The following SEMA3A variants were observed in gnomAD, a reference collection of about 807,000 sequenced individuals.
SEMA3A encodes the protein semaphorin 3A.
Under a neutral mutation model 97.9 loss-of-function variants are expected in SEMA3A, and 29 were observed. The ratio of observed to expected loss-of-function variants is 0.30; its 90% CI spans 0.22 to 0.40. The LOEUF is 0.40. Ranked by LOEUF, SEMA3A falls within the 10% of genes least tolerant of loss-of-function variation. SEMA3A has a pLI of 1.00. For synonymous variants in SEMA3A, 321 were observed against 323.7 expected (o/e 0.99, Z 0.09); for missense variants, 763 against 951.3 (o/e 0.80, Z 2.60).
At chr7:83,999,627 G>A (rs888039939) in intron 12 of SEMA3A, among the ~76,000 whole-genome samples, 1 of 152,026 alleles carries the variant, frequency 6.6e-6, no homozygotes, top group African/African-American at 2.4e-5. Context: ...TTAGCATTGT[G>A]CCAGGACTAT....
chr7:83,984,601 T>C (rs1374585995), intron 13 of SEMA3A, among the ~76,000 whole-genome samples: 1 of 141,606 alleles, frequency 7.1e-6, no homozygotes, highest in Non-Finnish European at 1.5e-5. Context: ...CATTCTGGAT[T>C]TTTCTGCTTT....
intron 5 of SEMA3A, among the ~76,000 whole-genome samples, chr7:84,058,907 A>G (rs576958008): frequency 2.6e-5 from 4 of 152,172 alleles, no homozygotes; most frequent in African/African-American, 9.6e-5. Flanking sequence ...GGGTGGTTGC[A>G]TACCATATGA....
upstream of SEMA3A, among the ~76,000 whole-genome samples, chr7:84,198,321 G>A (rs879707192): frequency 6.6e-6 from 1 of 151,818 alleles, no homozygotes; most frequent in Non-Finnish European, 1.5e-5. Context: ...TCAGCCTCCC[G>A]AGTAGCTGGG....
intron 1 of SEMA3A, among the ~76,000 whole-genome samples, chr7:84,172,735 C>T (rs1209255712): frequency 1.3e-5 from 2 of 152,120 alleles, no homozygotes; most frequent in African/African-American, 4.8e-5. Flanking sequence ...CTGCTTTCAG[C>T]CACTTAAAAG....
intron 1 of SEMA3A, among the ~76,000 whole-genome samples, chr7:84,472,727 G>A (rs1806185245): frequency 6.6e-6 from 1 of 152,070 alleles, no homozygotes; most frequent in African/African-American, 2.4e-5. Flanking sequence ...TAAACTGTTA[G>A]CATTACATAA....
chr7:84,132,954 C>T (rs948847958), intron 2 of SEMA3A, among the ~76,000 whole-genome samples: 4 of 152,072 alleles, frequency 2.6e-5, no homozygotes, highest in African/African-American at 9.7e-5. Context: ...GGATTACAGA[C>T]ATGAGCCACC....
At chr7:84,136,960 A>G (rs111273585) in intron 1 of SEMA3A, among the ~76,000 whole-genome samples, 2,251 of 141,172 alleles carry the variant, frequency 0.016, 172 homozygotes, top group East Asian at 0.096. Context: ...GAGGGAGGGA[A>G]GAAGGAAGGA....
At chr7:84,054,386 A>T (rs1258186720) in intron 5 of SEMA3A, among the ~76,000 whole-genome samples, 2 of 152,024 alleles carry the variant, frequency 1.3e-5, no homozygotes, top group East Asian at 3.9e-4. Flanking sequence ...ACATAGTCCC[A>T]TATTTCTTGG....
intron 1 of SEMA3A, among the ~76,000 whole-genome samples, chr7:84,445,782 C>G (rs1311047293): frequency 2.0e-5 from 3 of 150,916 alleles, no homozygotes; most frequent in Non-Finnish European, 4.4e-5. Flanking sequence ...GATCTCAAAG[C>G]AACACCTAAA....
At chr7:84,403,383 A>G (rs2116219886) in intron 1 of SEMA3A, among the ~76,000 whole-genome samples, 1 of 152,326 alleles carries the variant, frequency 6.6e-6, no homozygotes, top group East Asian at 1.9e-4. Context: ...TTGAGTAGGT[A>G]AACAAAGCGG....
chr7:84,443,784 T>C (rs530703619), intron 1 of SEMA3A, among the ~76,000 whole-genome samples: 136 of 152,076 alleles, frequency 8.9e-4, no homozygotes, highest in Non-Finnish European at 1.2e-3. Context: ...TCCTTGAGCA[T>C]TGCAAAAAAT....
intron 4 of SEMA3A, among the ~76,000 whole-genome samples, chr7:84,082,328 G>A (rs1180156302): frequency 1.3e-5 from 2 of 152,186 alleles, no homozygotes; most frequent in African/African-American, 4.8e-5. Context: ...TACACGGCAA[G>A]AATGAGCAGC....
chr7:83,968,232 A>T (rs546912125), intron 15 of SEMA3A, among the ~76,000 whole-genome samples: 29 of 152,356 alleles, frequency 1.9e-4, no homozygotes, highest in South Asian at 4.1e-4. Context: ...TCTGGATTAA[A>T]CCAGTTGATC....
At chr7:84,132,572 A>G (rs36170092) in intron 2 of SEMA3A, among the ~76,000 whole-genome samples, 77 of 151,972 alleles carry the variant, frequency 5.1e-4, no homozygotes, top group African/African-American at 1.8e-3. Flanking sequence ...TATGAATATC[A>G]CAAAATGATA....
chr7:84,002,920 G>GTATT (rs1294638523), intron 11 of SEMA3A, among the ~76,000 whole-genome samples: 2 of 152,076 alleles, frequency 1.3e-5, no homozygotes, highest in East Asian at 3.9e-4. Context: ...TAATTTTCCA[G>GTATT]TATTACAGAT....
intron 1 of SEMA3A, among the ~76,000 whole-genome samples, chr7:84,431,626 T>C (rs1373309435): frequency 6.6e-6 from 1 of 151,954 alleles, no homozygotes; most frequent in African/African-American, 2.4e-5. Context: ...ATCAGAGTTT[T>C]TTTTTTAACA....
intron 2 of SEMA3A, among the ~76,000 whole-genome samples, chr7:84,130,178 G>C (rs773938735): frequency 2.0e-5 from 3 of 151,976 alleles, no homozygotes; most frequent in Non-Finnish European, 4.4e-5. Flanking sequence ...AAACAGAAAT[G>C]ATGGCACTTA....
At position 83,976,028 on chromosome 7, in the gene SEMA3A, T is replaced by C. The variant is rs537248608; in HGVS notation, c.1717+1104A>G. ...ATAGGAAAGTCCCTGGTGAGAAAAT[T>C]TGCAATCAAAGTGGTTCCGAAACAC... is the stretch of plus-strand genomic sequence containing the variant. On this transcript the variant is annotated intron_variant, in intron 15 of 16. Transcript: ENST00000265362. Among the ~76,000 whole-genome samples, 9 of 152,230 alleles carry C rather than the reference T, an allele frequency of 5.9e-5. No individual in the cohort carries two copies. The South Asian group carries it at 1.2e-3, about 21-fold the overall frequency.
intron 4 of SEMA3A, among the ~76,000 whole-genome samples, chr7:84,097,643 T>G (rs1794817200): frequency 6.6e-6 from 1 of 152,120 alleles, no homozygotes; most frequent in Admixed American, 6.6e-5. Flanking sequence ...TGGAAAGTAG[T>G]CAATGGATAT....
Sources: gnomAD v4.1 joint callset for allele counts (sites outside exome capture counted in the v4.1 genomes callset) on GRCh38, gnomAD v4.1.1 for gene constraint, MANE v1.5 for transcripts, NCBI Gene and HGNC (gene_info 2026-07-23, HGNC 2026-07-21) for gene names.